ZNF766: variants seen among roughly 807,000 people sequenced by gnomAD.
The protein encoded by ZNF766 is zinc finger protein 766.
Under a neutral mutation model 13.2 loss-of-function variants are expected in ZNF766, and 13 were observed. That is an observed-to-expected ratio of 0.98 (90% CI 0.64 to 1.56). ZNF766 has a LOEUF of 1.56. Ranked by LOEUF, ZNF766 falls within the 40% of genes most tolerant of loss-of-function variation. ZNF766 has a pLI of 0.00. For synonymous variants in ZNF766, 178 were observed against 187.6 expected, an observed-to-expected ratio of 0.95 and a Z score of 0.42; for missense variants, 521 against 552.2, an observed-to-expected ratio of 0.94 and a Z score of 0.57.
intron 1 of ZNF766, among the ~76,000 whole-genome samples, chr19:52,279,301 A>G (rs1981365928): frequency 6.6e-6 from 1 of 152,130 alleles, no homozygotes; most frequent in Non-Finnish European, 1.5e-5. Context: ...TTGAAGTTGG[A>G]TAACTTGATG....
At chr19:52,283,465 A>ATTT (rs1273267885) in intron 3 of ZNF766, 52 bp downstream of exon 3, 19 of 1,302,624 alleles carry the variant, frequency 1.5e-5, no homozygotes, top group Non-Finnish European at 1.9e-5. Context: ...TTTTTTTTTG[A>ATTT]GACAGTCTCT....
Position 52,282,085 on chromosome 19 carries a change from T to G in ZNF766, c.19-26T>G, listed in dbSNP as rs765319827. On this transcript the variant is annotated intron_variant, in intron 1 of 3. Coordinates refer to ENST00000439461, the MANE Select transcript of ZNF766 (RefSeq NM_001010851.3). ...ACATAATTACTCTCTCCTTACCCTGTTGGTCAAATACATCTTTTATTTTAG... is the reference window on the plus strand; with the variant it reads ...ACATAATTACTCTCTCCTTACCCTGGTGGTCAAATACATCTTTTATTTTAG... 7 of 1,588,000 alleles carry G rather than the reference T, an allele frequency of 4.4e-6. No individual in the cohort carries two copies. In the African/African-American group the frequency reaches 9.4e-5, roughly 21 times the overall value.
At chr19:52,289,782 C>T (rs1054222588) in intron 3 of ZNF766, among the ~76,000 whole-genome samples, 32 of 152,092 alleles carry the variant, frequency 2.1e-4, no homozygotes, top group Non-Finnish European at 3.8e-4. Context: ...GGGCGGATCA[C>T]GAGGTCAGGA....
At chr19:52,281,228 A>C (rs1202468933) in intron 1 of ZNF766, among the ~76,000 whole-genome samples, 1 of 151,892 alleles carries the variant, frequency 6.6e-6, no homozygotes, top group Non-Finnish European at 1.5e-5. Flanking sequence ...TAAGTGTTCT[A>C]CACTATTGGG....
At position 52,281,899 on chromosome 19, in the gene ZNF766, A is replaced by T. The variant is rs776898129; in HGVS notation, c.19-212A>T. The T allele has an allele frequency of 6.6e-6, 4 of 601,614 alleles. No individual in the cohort carries two copies. The African/African-American group carries it at 7.6e-5, about 11-fold the overall frequency. 37.3% of individuals were successfully genotyped at this position (601,614 alleles called of 1,614,324 possible). On this transcript the variant is annotated intron_variant, in intron 1 of 3. Coordinates refer to ENST00000439461, the MANE Select transcript of ZNF766 (RefSeq NM_001010851.3). ...GGTAGATATTGAATGAAAAATCTACACTAGTTTAAAGAATATCATAACTTT... is the reference window on the plus strand; with the variant it reads ...GGTAGATATTGAATGAAAAATCTACTCTAGTTTAAAGAATATCATAACTTT...
chr19:52,291,324 C>G lies in ZNF766; in HGVS notation c.*126C>G. ...CGAGACCTACCAAATCACTAGACAT[C>G]GAAACATTCATCTTTGGTGAAACCA... On this transcript the variant is annotated 3_prime_UTR_variant, in exon 4 of 4. Coordinates refer to ENST00000439461, the MANE Select transcript of ZNF766 (RefSeq NM_001010851.3). 3 of 944,426 alleles carry G rather than the reference C, an allele frequency of 3.2e-6. No individual in the cohort carries two copies. In the East Asian group the frequency reaches 7.4e-5, roughly 23 times the overall value. 58.5% of individuals were successfully genotyped at this position (944,426 alleles called of 1,614,324 possible).
chr19:52,271,439 AC>A (rs1980968621), intron 1 of ZNF766, among the ~76,000 whole-genome samples: 1 of 152,070 alleles, frequency 6.6e-6, no homozygotes, highest in Admixed American at 6.5e-5. Context: ...GAGATCTCCA[AC>A]CGGCCCACCC....
intron 1 of ZNF766, among the ~76,000 whole-genome samples, chr19:52,278,234 C>G (rs973585001): frequency 2.0e-5 from 3 of 152,062 alleles, no homozygotes; most frequent in African/African-American, 7.2e-5. Flanking sequence ...TCACGCCAGG[C>G]CTTTTCTGAC....
In ZNF766 at chr19:52,289,870, G is replaced by A. The variant is rs563872002; in HGVS notation, c.275-196G>A. Among the ~76,000 whole-genome samples, 9 of 152,202 alleles carry A rather than the reference G, an allele frequency of 5.9e-5. No individual in the cohort carries two copies. In the South Asian group the frequency reaches 8.3e-4, roughly 14 times the overall value. On this transcript the variant is annotated intron_variant, in intron 3 of 3. Coordinates refer to ENST00000439461, the MANE Select transcript of ZNF766 (RefSeq NM_001010851.3). Reference sequence around the variant, plus strand: ...AAAAAAATTAGCTGGGCGTGGTGGCGGACGCCTGTAGTCCCAGCTACTTGG... The same window carrying A: ...AAAAAAATTAGCTGGGCGTGGTGGCAGACGCCTGTAGTCCCAGCTACTTGG...
In ZNF766 at chr19:52,295,114, T is replaced by C. The variant is rs1464672917; in HGVS notation, c.*3916T>C. 1 of 151,752 alleles carries C rather than the reference T, an allele frequency of 6.6e-6. No individual in the cohort carries two copies. Among genetic ancestry groups the C allele is most frequent in the Non-Finnish European group, 1.5e-5 (1 of 67,992 alleles). The allele number at this position is 151,752 out of a possible 1,614,324, so 9.4% of individuals were successfully genotyped here. On this transcript the variant is annotated 3_prime_UTR_variant, in exon 4 of 4. Coordinates refer to ENST00000439461, the MANE Select transcript of ZNF766 (RefSeq NM_001010851.3). Reference sequence around the variant, plus strand: ...TATTTTGTGTTTATATATGCACGTATAGACACATATATAATATTTTTTTTT... The same window carrying C: ...TATTTTGTGTTTATATATGCACGTACAGACACATATATAATATTTTTTTTT...
intron 3 of ZNF766, among the ~76,000 whole-genome samples, chr19:52,289,748 C>T (rs1211380156): frequency 6.6e-6 from 1 of 152,134 alleles, no homozygotes; most frequent in Non-Finnish European, 1.5e-5. Context: ...CACCTATAAT[C>T]CCAGCACTTT....
At chr19:52,289,233 C>G (rs1229058323) in intron 3 of ZNF766, among the ~76,000 whole-genome samples, 1 of 150,370 alleles carries the variant, frequency 6.7e-6, no homozygotes, top group African/African-American at 2.5e-5. Context: ...TCACTGCAAC[C>G]TCTGCCTGCC....
At chr19:52,276,842 G>C (rs891505280) in intron 1 of ZNF766, among the ~76,000 whole-genome samples, 1 of 152,290 alleles carries the variant, frequency 6.6e-6, no homozygotes, top group East Asian at 1.9e-4. Context: ...AAGAGGTGAG[G>C]GGGTGCTGTG....
Position 52,290,699 on chromosome 19 carries a change from A to G in ZNF766, c.908A>G (p.Lys303Arg). The change falls in exon 4 of 4, where the codon AAA (lysine) becomes AGA (arginine). Residue 303 changes from lysine to arginine, a missense_variant. Physicochemically the swap from Lys to Arg is conservative, Grantham distance 26. Transcript: ENST00000439461. ...AGAGAGAAACCTCATAAATGTAACA[A>G]ATGTGGCAAGGTTTATAGTAGCAGT... is the stretch of plus-strand genomic sequence containing the variant. ...HTREKPHKCN[K>R]CGKVYSSSSY... 1.9e-6 allele frequency: 3 copies of G among 1,613,920 alleles called. No homozygotes were observed. Among genetic ancestry groups the G allele is most frequent in the Non-Finnish European group, 2.5e-6 (3 of 1,179,896 alleles).
At position 52,289,767 on chromosome 19, in the gene ZNF766, A is replaced by G. The variant is rs530614387; in HGVS notation, c.275-299A>G. On this transcript the variant is annotated intron_variant, in intron 3 of 3. Coordinates refer to ENST00000439461, the MANE Select transcript of ZNF766 (RefSeq NM_001010851.3). ...TATAATCCCAGCACTTTGGGAGGCC[A>G]CGGCGGGCGGATCACGAGGTCAGGA... Among the ~76,000 whole-genome samples the G allele has an allele frequency of 3.9e-4, 60 of 152,124 alleles. 1 individual carries two copies. The highest frequency in any genetic ancestry group is 1.9e-3 in the South Asian group (9 of 4,816).
At chr19:52,276,558 C>G (rs1227427493) in intron 1 of ZNF766, among the ~76,000 whole-genome samples, 2 of 151,666 alleles carry the variant, frequency 1.3e-5, no homozygotes, top group Non-Finnish European at 2.9e-5. Flanking sequence ...TTTGTGGTAC[C>G]TCATTGGTTT....
chr19:52,271,366 C>G (rs1042476720), intron 1 of ZNF766, among the ~76,000 whole-genome samples: 5 of 152,044 alleles, frequency 3.3e-5, no homozygotes, highest in African/African-American at 9.7e-5. Flanking sequence ...TGGGAGTGTG[C>G]CAGAGAACTG....
chr19:52,281,596 C>T (rs1050950331), intron 1 of ZNF766, among the ~76,000 whole-genome samples: 2 of 152,150 alleles, frequency 1.3e-5, no homozygotes, highest in African/African-American at 4.8e-5. Context: ...GAGGAGGATA[C>T]ATGTGTATGC....
chr19:52,279,368 A>T (rs1020403504), intron 1 of ZNF766, among the ~76,000 whole-genome samples: 58 of 152,050 alleles, frequency 3.8e-4, no homozygotes, highest in African/African-American at 1.3e-3. Context: ...CTCTTTTTTG[A>T]TTGCATATGA....
Sources: gnomAD v4.1 joint callset for allele counts (sites outside exome capture counted in the v4.1 genomes callset) on GRCh38, gnomAD v4.1.1 for gene constraint, MANE v1.5 for transcripts, NCBI Gene and HGNC (gene_info 2026-07-23, HGNC 2026-07-21) for gene names.